B3GALT1: variants seen among roughly 807,000 people sequenced by gnomAD.
B3GALT1 encodes beta-1,3-galactosyltransferase 1, also known as UDP-Gal:betaGlcNAc beta 1,3-galactosyltransferase, polypeptide 1.
A neutral mutation model predicts 23.2 loss-of-function variants in B3GALT1; 10 were observed. The ratio of observed to expected loss-of-function variants is 0.43; its 90% CI spans 0.27 to 0.73. B3GALT1 has a LOEUF of 0.73. Ranked by LOEUF, B3GALT1 falls within the 30% of genes least tolerant of loss-of-function variation. The pLI is 0.21. For synonymous variants in B3GALT1, 156 were observed against 141.5 expected, an observed-to-expected ratio of 1.10 and a Z score of -0.73; for missense variants, 299 against 405.4, an observed-to-expected ratio of 0.74 and a Z score of 2.25.
At chr2:167,752,871 A>T (rs1687760769) in intron 3 of B3GALT1, among the ~76,000 whole-genome samples, 1 of 152,160 alleles carries the variant, frequency 6.6e-6, no homozygotes, top group Admixed American at 6.5e-5. Context: ...ACCTGACTGA[A>T]CTGTCTCCTG....
intron 1 of B3GALT1, among the ~76,000 whole-genome samples, chr2:167,461,112 G>A (rs974858527): frequency 5.9e-5 from 9 of 152,184 alleles, no homozygotes; most frequent in Non-Finnish European, 8.8e-5. Context: ...CTGCACGTCT[G>A]TGATCAGAAG....
chr2:167,859,353 G>A (rs902159198), intron 4 of B3GALT1, among the ~76,000 whole-genome samples: 1 of 152,122 alleles, frequency 6.6e-6, no homozygotes, highest in Admixed American at 6.6e-5. Flanking sequence ...TTGTAGTGAT[G>A]TTAAAAAATT....
intron 2 of B3GALT1, among the ~76,000 whole-genome samples, chr2:167,547,555 A>G (rs1683659760): frequency 6.6e-6 from 1 of 152,032 alleles, no homozygotes; most frequent in African/African-American, 2.4e-5. Context: ...TTAGCTGAGC[A>G]TGGTGGCAGG....
At chr2:167,455,760 G>A (rs892690950) in intron 1 of B3GALT1, among the ~76,000 whole-genome samples, 1 of 152,142 alleles carries the variant, frequency 6.6e-6, no homozygotes, top group African/African-American at 2.4e-5. Flanking sequence ...CTATCCGCCT[G>A]CCTAAGCCTC....
At position 167,862,470 on chromosome 2, in the gene B3GALT1, A is replaced by G. The variant is rs145210071; in HGVS notation, c.-229-6341A>G. On this transcript the variant is annotated intron_variant, in intron 4 of 4. Transcript: ENST00000392690. Reference sequence around the variant, plus strand: ...AGTGAATTAGGTGATGCTCATTTACATTGGTGAGGGCAGTCTTCCTTACTC... The same window carrying G: ...AGTGAATTAGGTGATGCTCATTTACGTTGGTGAGGGCAGTCTTCCTTACTC... Among the ~76,000 whole-genome samples the G allele has an allele frequency of 3.3e-4, 50 of 152,304 alleles. No homozygotes were observed. The East Asian group carries it at 7.0e-3, about 21-fold the overall frequency.
chr2:167,713,242 A>T (rs1396817567), intron 3 of B3GALT1, among the ~76,000 whole-genome samples: 2 of 152,240 alleles, frequency 1.3e-5, no homozygotes, highest in East Asian at 3.8e-4. Flanking sequence ...CTGCAAGAAC[A>T]TGTATAAATT....
At chr2:167,692,878 C>G (rs1485446053) in intron 3 of B3GALT1, among the ~76,000 whole-genome samples, 2 of 151,948 alleles carry the variant, frequency 1.3e-5, no homozygotes, top group East Asian at 3.9e-4. Context: ...TGTGGATAAT[C>G]TGGGAGAAAA....
intron 3 of B3GALT1, among the ~76,000 whole-genome samples, chr2:167,682,202 CTT>C (rs1176598599): frequency 6.6e-6 from 1 of 152,016 alleles, no homozygotes; most frequent in Non-Finnish European, 1.5e-5. Flanking sequence ...AATTTACTGT[CTT>C]TTTTTGTTTG....
intron 3 of B3GALT1, among the ~76,000 whole-genome samples, chr2:167,729,227 A>G (rs762655534): frequency 1.3e-5 from 2 of 152,194 alleles, no homozygotes; most frequent in Non-Finnish European, 2.9e-5. Flanking sequence ...TTAAGGGGTA[A>G]CTTGTTGAAT....
intron 2 of B3GALT1, among the ~76,000 whole-genome samples, chr2:167,563,399 C>T (rs1380560189): frequency 3.4e-4 from 46 of 133,972 alleles, no homozygotes; most frequent in Admixed American, 2.5e-3. Flanking sequence ...GGCGGCTGGC[C>T]GGGCGGGGGG....
chr2:167,340,738 T>C (rs1445255630), intron 1 of B3GALT1, among the ~76,000 whole-genome samples: 2 of 152,206 alleles, frequency 1.3e-5, no homozygotes, highest in Non-Finnish European at 2.9e-5. Flanking sequence ...CTAGACAAAG[T>C]GATCATCATC....
chr2:167,466,339 C>T (rs1454851020), intron 1 of B3GALT1, among the ~76,000 whole-genome samples: 7 of 151,808 alleles, frequency 4.6e-5, no homozygotes, highest in African/African-American at 1.5e-4. Flanking sequence ...GTCTTGAGGC[C>T]GGGCGCGGTG....
At chr2:167,567,805 C>G (rs1684201785) in intron 2 of B3GALT1, among the ~76,000 whole-genome samples, 1 of 152,092 alleles carries the variant, frequency 6.6e-6, no homozygotes, top group Admixed American at 6.5e-5. Context: ...TGGGTTTAGA[C>G]ACATGTACAA....
chr2:167,564,220 G>A (rs867853410), intron 2 of B3GALT1, among the ~76,000 whole-genome samples: 51 of 144,820 alleles, frequency 3.5e-4, no homozygotes, highest in African/African-American at 1.1e-3. Flanking sequence ...CTCACATCCC[G>A]GACGGGGCGG....
At chr2:167,671,796 A>G (rs894358409) in intron 3 of B3GALT1, among the ~76,000 whole-genome samples, 1 of 152,118 alleles carries the variant, frequency 6.6e-6, no homozygotes, top group African/African-American at 2.4e-5. Context: ...AGATTAAAGC[A>G]AAAATAAATT....
At chr2:167,683,031 A>G (rs1170123659) in intron 3 of B3GALT1, among the ~76,000 whole-genome samples, 1 of 152,154 alleles carries the variant, frequency 6.6e-6, no homozygotes, top group Non-Finnish European at 1.5e-5. Flanking sequence ...ATTCTAATGT[A>G]TTACTATTAT....
intron 1 of B3GALT1, among the ~76,000 whole-genome samples, chr2:167,459,096 T>C (rs1699217056): frequency 6.6e-6 from 1 of 152,184 alleles, no homozygotes; most frequent in Non-Finnish European, 1.5e-5. Context: ...ACTGATATTA[T>C]TTCATTTACA....
intron 1 of B3GALT1, among the ~76,000 whole-genome samples, chr2:167,481,093 G>A (rs895284775): frequency 2.0e-5 from 3 of 152,078 alleles, no homozygotes; most frequent in Admixed American, 6.6e-5. Context: ...TTTTAAAGAC[G>A]ATTGTCTGCA....
At chr2:167,610,424 G>A (rs971954328) in intron 2 of B3GALT1, among the ~76,000 whole-genome samples, 1 of 151,862 alleles carries the variant, frequency 6.6e-6, no homozygotes, top group African/African-American at 2.4e-5. Flanking sequence ...TTGTTTATAG[G>A]GGAGATTTTA....
Sources: allele counts gnomAD v4.1 joint callset (sites outside exome capture counted in the v4.1 genomes callset), GRCh38; gene constraint gnomAD v4.1.1; transcripts MANE v1.5; gene names NCBI Gene and HGNC (gene_info 2026-07-23, HGNC 2026-07-21).